Variants in MRPS7 observed in about 807,000 individuals in gnomAD.
MRPS7 encodes small ribosomal subunit protein uS7m.
In MRPS7, 13 loss-of-function variants were observed where a neutral mutation model predicts 26.2. That is an observed-to-expected ratio of 0.50 (90% CI 0.32 to 0.79). The LOEUF is 0.79. Ranked by LOEUF, MRPS7 falls within the 30% of genes least tolerant of loss-of-function variation. MRPS7 has a pLI of 0.03. For missense variants in MRPS7, 318 were observed against 312.2 expected (o/e 1.02, Z -0.14); for synonymous variants, 129 against 113.3 (o/e 1.14, Z -0.88).
chr17:75,262,014 C>G (rs775886894), intron 1 of MRPS7, 31 bp downstream of exon 1: 1 of 1,599,170 alleles, frequency 6.3e-7, no homozygotes, highest in Non-Finnish European at 8.5e-7. Context: ...GGCGGGGGGG[C>G]GCTGCGAGGA....
At chr17:75,262,972 A>G (rs1373922803) in intron 3 of MRPS7, 105 bp downstream of exon 3, 8 of 1,116,144 alleles carry the variant, frequency 7.2e-6, no homozygotes, top group African/African-American at 4.7e-5. Flanking sequence ...TCATGTATCT[A>G]TTATTCAGAT....
chr17:75,265,576 C>T (rs911432649), intron 4 of MRPS7, 126 bp from the exon 5 acceptor site: 17 of 772,916 alleles, frequency 2.2e-5, no homozygotes, highest in African/African-American at 5.2e-5. Flanking sequence ...ACAGGCCCTT[C>T]TCCCCAGGCC....
chr17:75,263,737 C>T, intron 4 of MRPS7: 1 of 546,504 alleles, frequency 1.8e-6, no homozygotes, highest in East Asian at 3.3e-5. Flanking sequence ...AAAAATTAGC[C>T]AGGTGTGGTG....
In MRPS7 at chr17:75,261,998, A is replaced by G; in HGVS notation, c.83+15A>G. The G allele has an allele frequency of 6.7e-7, 1 of 1,493,900 alleles. No individual in the cohort carries two copies. Among genetic ancestry groups the G allele is most frequent in the Middle Eastern group, 1.7e-4 (1 of 5,882 alleles). 92.5% of individuals were successfully genotyped at this position (1,493,900 alleles called of 1,614,324 possible). On this transcript the variant is annotated intron_variant, in intron 1 of 4. Transcript: ENST00000245539. ...CAGCTTCCAGGGTGAGAGGGTGGCG[A>G]GCAGCGGCGGGGGGGCGCTGCGAGG... is the stretch of plus-strand genomic sequence containing the variant.
intron 4 of MRPS7, chr17:75,263,897 A>AAAC (rs1406716181): frequency 1.9e-5 from 3 of 155,776 alleles, no homozygotes; most frequent in Non-Finnish European, 4.2e-5. Flanking sequence ...AAAAAAAAAA[A>AAAC]AAACGGCTGG....
At chr17:75,265,269 C>T (rs1309776102) in intron 4 of MRPS7, among the ~76,000 whole-genome samples, 2 of 152,062 alleles carry the variant, frequency 1.3e-5, no homozygotes, top group South Asian at 2.1e-4. Context: ...AAATCCTGAC[C>T]TCAGGTAATC....
At chr17:75,263,834 T>C (rs2077446241) in intron 4 of MRPS7, 1 of 158,102 alleles carries the variant, frequency 6.3e-6, no homozygotes, top group African/African-American at 2.6e-5. Context: ...TGAGTTATGA[T>C]TACGCCCCTG....
chr17:75,265,594 G>A (rs1228712086), intron 4 of MRPS7, 108 bp from the exon 5 acceptor site: 3 of 965,578 alleles, frequency 3.1e-6, no homozygotes, highest in Non-Finnish European at 4.8e-6. Context: ...GCCTGACCAG[G>A]GCTGGTCCAG....
intron 2 of MRPS7, 58 bp downstream of exon 2, chr17:75,262,746 G>C: frequency 6.2e-7 from 1 of 1,613,774 alleles, no homozygotes; most frequent in Non-Finnish European, 8.5e-7. Flanking sequence ...GAGGGTTTCT[G>C]GTGAGGATTC....
At position 75,263,476 on chromosome 17, in the gene MRPS7, T is replaced by C; in HGVS notation, c.476T>C (p.Val159Ala). ...AACTGTGAGCCTATGATTGGGCTGG[T>C]ACCCATCCTCAAGGGAGGCCGTTTC... The part of the protein sequence containing the change: ...LKNCEPMIGL[V>A]PILKGGRFYQ... The change falls in exon 4 of 5, where the codon GTA becomes GCA. Residue 159 changes from valine (V) to alanine (A), a missense_variant. Physicochemically the swap from Val to Ala is moderately conservative, Grantham distance 64 (BLOSUM62 0). Transcript: ENST00000245539. 1 of 1,614,038 alleles carries C rather than the reference T, an allele frequency of 6.2e-7. No individual in the cohort carries two copies. The highest frequency in any genetic ancestry group is 8.5e-7 in the Non-Finnish European group (1 of 1,180,022).
At chr17:75,265,215 T>A (rs1162219948) in intron 4 of MRPS7, among the ~76,000 whole-genome samples, 4 of 150,212 alleles carry the variant, frequency 2.7e-5, no homozygotes, top group African/African-American at 9.8e-5. Flanking sequence ...ATTTTTGCAT[T>A]TTAGTAGAGA....
intron 1 of MRPS7, 111 bp downstream of exon 1, chr17:75,262,094 G>C: frequency 1.5e-6 from 2 of 1,297,610 alleles, no homozygotes; most frequent in Non-Finnish European, 2.1e-6. Flanking sequence ...GGAGTATCTG[G>C]ATTCAAGCTT....
At position 75,263,527 on chromosome 17, in the gene MRPS7, A is replaced by G; in HGVS notation, c.507+20A>G. The G allele has an allele frequency of 6.2e-7, 1 of 1,613,728 alleles. No homozygotes were observed. Among genetic ancestry groups the G allele is most frequent in the Non-Finnish European group, 8.5e-7 (1 of 1,179,940 alleles). ...TACCAGGTGAATGAATGGCCAGGGC[A>G]AGAAAGCAGGGCCCTCCACATGTGA... is the stretch of plus-strand genomic sequence containing the variant. On this transcript the variant is annotated intron_variant, in intron 4 of 4. Transcript: ENST00000245539.
chr17:75,261,909 C>A lies in MRPS7; in HGVS notation c.9C>A (p.Ala3=). ...CCTCGTGGCCAGCCAAGATGGCTGC[C>A]CCCGCAGTGAAGGTTGCCCGAGGAT... The part of the protein sequence containing the change: MA[A]PAVKVARGWS... The change falls in exon 1 of 5, where the codon GCC becomes GCA. Residue 3 remains alanine, a synonymous_variant. Transcript: ENST00000245539. The A allele has an allele frequency of 6.2e-7, 1 of 1,608,784 alleles. No homozygotes were observed.
rs774272289 is a variant in MRPS7, at chr17:75,265,771, G to A, written c.577G>A (p.Asp193Asn). ...GAAGTGGATGATCACTGAGTGCCGG[G>A]ATAAAAAGCACCAGCGGACACTGAT... ...AMKWMITECR[D>N]KKHQRTLMPE... The change falls in exon 5 of 5, where the codon GAT becomes AAT. Residue 193 changes from aspartate to asparagine, a missense_variant. Coordinates refer to ENST00000245539, the MANE Select transcript of MRPS7 (RefSeq NM_015971.4). 6 of 1,614,190 alleles carry A rather than the reference G, an allele frequency of 3.7e-6. No homozygotes were observed. The highest frequency in any genetic ancestry group is 5.1e-6 in the Non-Finnish European group (6 of 1,180,054).
chr17:75,263,259 A>G (rs1175277217), intron 3 of MRPS7, 81 bp from the exon 4 acceptor site: 2 of 1,542,270 alleles, frequency 1.3e-6, no homozygotes, highest in Admixed American at 3.6e-5. Flanking sequence ...AGAGGATGGG[A>G]GTAAAGGGCA....
At chr17:75,262,749 G>T in intron 2 of MRPS7, 55 bp from the exon 3 acceptor site, 2 of 1,613,900 alleles carry the variant, frequency 1.2e-6, no homozygotes, top group Non-Finnish European at 1.7e-6. Context: ...GGTTTCTGGT[G>T]AGGATTCTGT....
intron 4 of MRPS7, 79 bp from the exon 5 acceptor site, chr17:75,265,623 C>G (rs2077470550): frequency 9.4e-6 from 12 of 1,274,820 alleles, no homozygotes; most frequent in Non-Finnish European, 1.4e-5. Context: ...TGTGGCTACT[C>G]CTTAGAATTC....
At chr17:75,263,279 C>T (rs908075646) in intron 3 of MRPS7, 61 bp from the exon 4 acceptor site, 47 of 1,599,232 alleles carry the variant, frequency 2.9e-5, no homozygotes, top group Non-Finnish European at 3.9e-5. Flanking sequence ...AAGGTACTAG[C>T]TTGGCTGGGT....
Sources: allele counts gnomAD v4.1 joint callset (sites outside exome capture counted in the v4.1 genomes callset), GRCh38; gene constraint gnomAD v4.1.1; transcripts MANE v1.5; gene names NCBI Gene and HGNC (gene_info 2026-07-23, HGNC 2026-07-21).